ICE1: variants seen among roughly 807,000 people sequenced by gnomAD.
The protein encoded by ICE1 is interactor of little elongation complex ELL subunit 1, also known as little elongation complex subunit 1.
ICE1 carries 64 observed loss-of-function variants against 192.7 expected under a neutral mutation model. The observed-to-expected ratio is 0.33, with a 90% CI of 0.27 to 0.41. ICE1 has a LOEUF of 0.41. Ranked by LOEUF, ICE1 falls within the 10% of genes least tolerant of loss-of-function variation. ICE1 has a pLI of 1.00. For synonymous variants in ICE1, 1,010 were observed against 984.5 expected (o/e 1.03, Z -0.49); for missense variants, 2,708 against 2,696.0 (o/e 1.00, Z -0.10).
chr5:5,450,964 G>A (rs1738399345), intron 10 of ICE1, among the ~76,000 whole-genome samples: 1 of 152,082 alleles, frequency 6.6e-6, no homozygotes, highest in African/African-American at 2.4e-5. Flanking sequence ...GTTCCAAATG[G>A]ATAATTTATA....
At chr5:5,450,374 G>A (rs1738377498) in intron 10 of ICE1, among the ~76,000 whole-genome samples, 1 of 152,160 alleles carries the variant, frequency 6.6e-6, no homozygotes, top group African/African-American at 2.4e-5. Context: ...GCGGTTGAGA[G>A]CATCATACAA....
At chr5:5,483,347 G>A (rs1408470715) in intron 17 of ICE1, among the ~76,000 whole-genome samples, 1 of 152,118 alleles carries the variant, frequency 6.6e-6, no homozygotes, top group Non-Finnish European at 1.5e-5. Flanking sequence ...TTTTTACTCC[G>A]TGGACAGTAA....
At chr5:5,446,708 AT>A (rs1427452954) in intron 7 of ICE1, among the ~76,000 whole-genome samples, 4 of 152,206 alleles carry the variant, frequency 2.6e-5, no homozygotes, top group Non-Finnish European at 5.9e-5. Flanking sequence ...AGTAAAAAAA[AT>A]TTATCGGTGT....
rs781399151 is a variant in ICE1, at chr5:5,462,700, G to A, written c.3366G>A (p.Gln1122=). 9 of 1,613,808 alleles carry A rather than the reference G, an allele frequency of 5.6e-6. No homozygotes were observed. Among genetic ancestry groups the A allele is most frequent in the South Asian group, 1.1e-5 (1 of 91,072 alleles). The change falls in exon 13 of 19, where the codon CAG becomes CAA. Residue 1122 remains glutamine, a synonymous_variant. Coordinates refer to ENST00000296564, the MANE Select transcript of ICE1 (RefSeq NM_015325.3). ...EAFSCSEGSE[Q]QDAPDDSQKN... ...TTAGCTGCAGTGAGGGGAGCGAACAGCAAGATGCTCCTGATGACTCACAGA... is the reference window on the plus strand; with the variant it reads ...TTAGCTGCAGTGAGGGGAGCGAACAACAAGATGCTCCTGATGACTCACAGA...
intron 15 of ICE1, among the ~76,000 whole-genome samples, chr5:5,471,157 A>G (rs1364575607): frequency 1.3e-5 from 2 of 152,228 alleles, no homozygotes; most frequent in Non-Finnish European, 2.9e-5. Context: ...AAAAACAGAG[A>G]AAAGCAAAAA....
intron 14 of ICE1, among the ~76,000 whole-genome samples, chr5:5,467,222 C>G (rs1339451719): frequency 2.0e-5 from 3 of 152,190 alleles, no homozygotes; most frequent in African/African-American, 4.8e-5. Context: ...CTCAGTCATT[C>G]ATTCAACAAA....
intron 5 of ICE1, 33 bp downstream of exon 5, chr5:5,441,256 G>A: frequency 7.4e-7 from 1 of 1,344,692 alleles, no homozygotes; most frequent in African/African-American, 1.5e-5. Flanking sequence ...AAGATTTACG[G>A]TCAATAAATT....
At chr5:5,436,305 T>G in intron 1 of ICE1, 113 bp from the exon 2 acceptor site, 1 of 682,592 alleles carries the variant, frequency 1.5e-6, no homozygotes, top group Non-Finnish European at 2.3e-6. Flanking sequence ...TGCATTAACA[T>G]TTCTATGTTT....
chr5:5,425,611 A>G (rs985963978), intron 1 of ICE1, among the ~76,000 whole-genome samples: 2 of 152,212 alleles, frequency 1.3e-5, no homozygotes, highest in Non-Finnish European at 2.9e-5. Flanking sequence ...AAGTGAGTCT[A>G]GAAAAATAGG....
At chr5:5,428,387 T>C (rs751138108) in intron 1 of ICE1, among the ~76,000 whole-genome samples, 4 of 152,166 alleles carry the variant, frequency 2.6e-5, no homozygotes, top group Non-Finnish European at 4.4e-5. Flanking sequence ...AAGTGGTTTA[T>C]CAGAGAGGAG....
In ICE1 at chr5:5,457,317, T is replaced by C. The variant is rs1475944047; in HGVS notation, c.692-15T>C. Reference sequence around the variant, plus strand: ...ATTGTAAATACCTGATACCTACTTTTGTTCCCCCACATAGAAAAACCTGCC... The same window carrying C: ...ATTGTAAATACCTGATACCTACTTTCGTTCCCCCACATAGAAAAACCTGCC... On this transcript the variant is annotated splice_polypyrimidine_tract_variant and intron_variant, in intron 11 of 18. Transcript: ENST00000296564. The C allele has an allele frequency of 2.5e-6, 4 of 1,574,986 alleles. No individual in the cohort carries two copies. Among genetic ancestry groups the C allele is most frequent in the Non-Finnish European group, 3.4e-6 (4 of 1,163,830 alleles).
chr5:5,443,546 CTG>C (rs1738112322), intron 6 of ICE1, among the ~76,000 whole-genome samples: 1 of 152,212 alleles, frequency 6.6e-6, no homozygotes, highest in African/African-American at 2.4e-5. Flanking sequence ...GCACATGTGT[CTG>C]TGTGTGTCTA....
intron 1 of ICE1, among the ~76,000 whole-genome samples, chr5:5,427,988 G>T (rs1737575559): frequency 6.6e-6 from 1 of 152,198 alleles, no homozygotes; most frequent in African/African-American, 2.4e-5. Flanking sequence ...AATCTAAATT[G>T]AGGTCTGAAA....
intron 10 of ICE1, among the ~76,000 whole-genome samples, chr5:5,452,347 G>A (rs754825502): frequency 3.9e-4 from 59 of 151,908 alleles, no homozygotes; most frequent in Non-Finnish European, 4.3e-4. Flanking sequence ...GCTTGGTAAA[G>A]TGCTGGCATA....
At chr5:5,487,570 T>C (rs1280165012) in intron 18 of ICE1, among the ~76,000 whole-genome samples, 2 of 152,232 alleles carry the variant, frequency 1.3e-5, no homozygotes, top group Non-Finnish European at 2.9e-5. Flanking sequence ...TCATTTAAGC[T>C]GCTTTATCTG....
chr5:5,463,132 T>C lies in ICE1; in HGVS notation c.3798T>C (p.Ile1266=), dbSNP rs1365050677. 1 of 1,613,050 alleles carries C rather than the reference T, an allele frequency of 6.2e-7. No homozygotes were observed. Among genetic ancestry groups the C allele is most frequent in the Non-Finnish European group, 8.5e-7 (1 of 1,179,560 alleles). The change falls in exon 13 of 19, where the codon ATT becomes ATC. Residue 1266 remains isoleucine (I), a synonymous_variant. Transcript: ENST00000296564. The part of the protein sequence containing the change: ...LETLSEVLTK[I]RQELQTNSED... Reference sequence around the variant, plus strand: ...CTCTGTCTGAGGTTCTGACCAAGATTAGGCAAGAACTTCAAACAAATTCTG... The same window carrying C: ...CTCTGTCTGAGGTTCTGACCAAGATCAGGCAAGAACTTCAAACAAATTCTG...
intron 1 of ICE1, among the ~76,000 whole-genome samples, chr5:5,426,765 T>C (rs1030159219): frequency 2.6e-5 from 4 of 152,258 alleles, no homozygotes; most frequent in Non-Finnish European, 5.9e-5. Flanking sequence ...AGCAATTCTT[T>C]TGGTCAATTA....
chr5:5,442,421 T>C (rs1738077832), intron 5 of ICE1, among the ~76,000 whole-genome samples: 1 of 152,254 alleles, frequency 6.6e-6, no homozygotes, highest in Non-Finnish European at 1.5e-5. Context: ...TGTATAACTA[T>C]GCTGTCAAAG....
At chr5:5,454,045 C>T (rs1170607827) in intron 10 of ICE1, among the ~76,000 whole-genome samples, 2 of 152,160 alleles carry the variant, frequency 1.3e-5, no homozygotes, top group Admixed American at 6.5e-5. Context: ...TACCTGTAAT[C>T]CCTGAACTCC....
Sources: allele counts gnomAD v4.1 joint callset (sites outside exome capture counted in the v4.1 genomes callset), GRCh38; gene constraint gnomAD v4.1.1; transcripts MANE v1.5; gene names NCBI Gene and HGNC (gene_info 2026-07-23, HGNC 2026-07-21).